Variants in DLG2 observed in about 807,000 individuals in gnomAD.
DLG2 encodes discs large MAGUK scaffold protein 2.
Under a neutral mutation model 132.5 loss-of-function variants are expected in DLG2, and 45 were observed. The observed-to-expected ratio is 0.34, with a 90% CI of 0.27 to 0.44. DLG2 has a LOEUF of 0.44. DLG2 is among the 20% of genes least tolerant of loss of function. The probability of loss-of-function intolerance (pLI) is 1.00; values close to 1 mark genes in which losing one functional copy is unlikely to be tolerated. For synonymous variants in DLG2, 424 were observed against 419.6 expected (o/e 1.01, Z -0.13); for missense variants, 1,045 against 1,196.9 (o/e 0.87, Z 1.87).
intron 11 of DLG2, among the ~76,000 whole-genome samples, chr11:84,033,760 C>T (rs536252440): frequency 2.6e-5 from 4 of 152,236 alleles, no homozygotes; most frequent in South Asian, 2.1e-4. Flanking sequence ...ACAGCCGGGC[C>T]GGGCGCGGTG....
At chr11:84,837,166 A>C (rs2079925543) in intron 6 of DLG2, among the ~76,000 whole-genome samples, 1 of 151,852 alleles carries the variant, frequency 6.6e-6, no homozygotes, top group South Asian at 2.1e-4. Context: ...CATTTCAATC[A>C]AAACAGTTTT....
chr11:83,766,470 G>T (rs1207144178), intron 18 of DLG2, among the ~76,000 whole-genome samples: 2 of 150,958 alleles, frequency 1.3e-5, no homozygotes, highest in African/African-American at 4.9e-5. Context: ...GTGTTCCATG[G>T]CAATGCAGAT....
At chr11:83,829,223 G>T (rs1199104334) in intron 17 of DLG2, among the ~76,000 whole-genome samples, 2 of 133,180 alleles carry the variant, frequency 1.5e-5, no homozygotes, top group Non-Finnish European at 1.5e-5. Flanking sequence ...TTTTGACAGA[G>T]TCTCACTCTG....
chr11:84,949,790 A>G (rs954639309), intron 6 of DLG2, among the ~76,000 whole-genome samples: 3 of 152,196 alleles, frequency 2.0e-5, no homozygotes, highest in African/African-American at 7.2e-5. Context: ...CAATTTGTGT[A>G]GTTAACGCAA....
chr11:84,442,223 T>C (rs1470789500), intron 7 of DLG2, among the ~76,000 whole-genome samples: 1 of 152,328 alleles, frequency 6.6e-6, no homozygotes, highest in South Asian at 2.1e-4. Flanking sequence ...ATGGCCATTT[T>C]CACGATATTG....
chr11:85,607,087 G>A (rs190572188), intron 2 of DLG2, among the ~76,000 whole-genome samples: 5 of 152,280 alleles, frequency 3.3e-5, no homozygotes, highest in African/African-American at 7.2e-5. Flanking sequence ...ATCGCCTATC[G>A]CCAAGTGGTG....
intron 18 of DLG2, among the ~76,000 whole-genome samples, chr11:83,634,040 C>T (rs2064161256): frequency 6.6e-6 from 1 of 151,782 alleles, no homozygotes; most frequent in Non-Finnish European, 1.5e-5. Context: ...TTACTCTCAG[C>T]CTGATAGACC....
chr11:84,984,106 C>G (rs937322907), intron 6 of DLG2, among the ~76,000 whole-genome samples: 8 of 152,146 alleles, frequency 5.3e-5, no homozygotes, highest in Non-Finnish European at 1.0e-4. Flanking sequence ...TTAAGTAAAA[C>G]TTCCCTGGCC....
chr11:83,521,034 G>C (rs547495873), intron 21 of DLG2, among the ~76,000 whole-genome samples: 2 of 152,300 alleles, frequency 1.3e-5, no homozygotes, highest in East Asian at 3.9e-4. Context: ...CAAGAGCATG[G>C]GCAAAGGCTC....
At chr11:85,536,009 A>G (rs2075554371) in intron 3 of DLG2, among the ~76,000 whole-genome samples, 1 of 151,938 alleles carries the variant, frequency 6.6e-6, no homozygotes, top group African/African-American at 2.4e-5. Flanking sequence ...TGAGCTCAGG[A>G]GTTAGAGACC....
intron 15 of DLG2, among the ~76,000 whole-genome samples, chr11:83,902,809 A>G (rs1469533070): frequency 6.6e-6 from 1 of 152,184 alleles, no homozygotes; most frequent in Admixed American, 6.6e-5. Context: ...AAAGCAGGGT[A>G]TGGGGAACTG....
chr11:83,472,691 C>T (rs1164290027), intron 23 of DLG2, 36 bp downstream of exon 23: 1 of 1,599,542 alleles, frequency 6.3e-7, no homozygotes, highest in African/African-American at 1.3e-5. Flanking sequence ...TCTTATGGCC[C>T]AGAAATTAGG....
At chr11:84,206,538 A>G (rs2096667921) in intron 8 of DLG2, among the ~76,000 whole-genome samples, 1 of 152,124 alleles carries the variant, frequency 6.6e-6, no homozygotes, top group Non-Finnish European at 1.5e-5. Context: ...ATAGGATAAT[A>G]CATCAGGACC....
At position 83,508,403 on chromosome 11, in the gene DLG2, A is replaced by ATT. The variant is rs746968613; in HGVS notation, c.2194-24177_2194-24176dup. On this transcript the variant is annotated intron_variant, in intron 21 of 27. Transcript: ENST00000376104. ...AGGTGCACACCACCACGCCTGGCTA[A>ATT]TTTTTTTTTTTTTTTTTTTTTTAGT... is the stretch of plus-strand genomic sequence containing the variant. 1.5e-3 allele frequency among the ~76,000 whole-genome samples: 118 copies of ATT among 80,202 alleles called. 4 individuals carry two copies. The East Asian group carries it at 0.019, about 13-fold the overall frequency. 52.6% of individuals were successfully genotyped at this position (80,202 alleles called of 152,430 possible). A position where few individuals can be genotyped will look rare whatever the true frequency, so the allele number is the denominator to read the frequency against.
In DLG2 at chr11:83,789,995, T is replaced by A. The variant is rs550953244; in HGVS notation, c.1723-3203A>T. On this transcript the variant is annotated intron_variant, in intron 17 of 27. Coordinates refer to ENST00000376104, the MANE Select transcript of DLG2 (RefSeq NM_001142699.3). ...TCAGTAGTGCTTCTCCTGTAAATAATCCTTCATTTTGTTTGGCAAAGGCAG... is the reference window on the plus strand; with the variant it reads ...TCAGTAGTGCTTCTCCTGTAAATAAACCTTCATTTTGTTTGGCAAAGGCAG... 395 of 1,371,714 alleles carry A rather than the reference T, an allele frequency of 2.9e-4. 3 individuals carry two copies. In the South Asian group the frequency reaches 4.4e-3, roughly 15 times the overall value. 85.0% of individuals were successfully genotyped at this position (1,371,714 alleles called of 1,614,324 possible). A position where few individuals can be genotyped will look rare whatever the true frequency, so the allele number is the denominator to read the frequency against.
intron 7 of DLG2, among the ~76,000 whole-genome samples, chr11:84,388,327 A>AC (rs1567497592): frequency 6.6e-6 from 1 of 152,122 alleles, no homozygotes; most frequent in African/African-American, 2.4e-5. Context: ...TCAAAAAAAA[A>AC]CCCACATCTA....
chr11:85,449,505 C>G (rs947741166), intron 3 of DLG2, among the ~76,000 whole-genome samples: 1 of 151,630 alleles, frequency 6.6e-6, no homozygotes, highest in Admixed American at 6.6e-5. Context: ...TCCTATTCTG[C>G]CCCTTCTTTT....
In DLG2 at chr11:84,415,517, C is replaced by T. The variant is rs200691195; in HGVS notation, c.519+119053G>A. The stretch of plus-strand genomic sequence containing the variant: ...GTAAAGCATTTTTCTGAAGATTATG[C>T]CGCTAGATGAAACAACTGCCAGACT... On this transcript the variant is annotated intron_variant, in intron 7 of 27. Coordinates refer to ENST00000376104, the MANE Select transcript of DLG2 (RefSeq NM_001142699.3). Among the ~76,000 whole-genome samples, 73 of 152,186 alleles carry T rather than the reference C, an allele frequency of 4.8e-4. 1 individual carries two copies. The East Asian group carries it at 8.5e-3, about 18-fold the overall frequency.
At chr11:85,598,857 C>G in intron 2 of DLG2, 69 bp from the exon 3 acceptor site, 1 of 429,146 alleles carries the variant, frequency 2.3e-6, no homozygotes, top group Admixed American at 4.4e-5. Flanking sequence ...TTAAACTATT[C>G]TATAATTGTG....
Sources: allele counts gnomAD v4.1 joint callset (sites outside exome capture counted in the v4.1 genomes callset), GRCh38; gene constraint gnomAD v4.1.1; transcripts MANE v1.5; gene names NCBI Gene and HGNC (gene_info 2026-07-23, HGNC 2026-07-21).